Variants in MYO3B observed in about 807,000 individuals in gnomAD.
MYO3B encodes the protein myosin IIIB.
Under a neutral mutation model 174.6 loss-of-function variants are expected in MYO3B, and 156 were observed. That is an observed-to-expected ratio of 0.89 (90% confidence interval 0.78 to 1.02). MYO3B has a LOEUF of 1.02. Ranked by LOEUF, MYO3B falls within the 50% of genes least tolerant of loss-of-function variation. MYO3B has a pLI of 0.00. For synonymous variants in MYO3B, 563 were observed against 569.1 expected, an observed-to-expected ratio of 0.99 and a Z score of 0.15; for missense variants, 1,632 against 1,639.4, an observed-to-expected ratio of 1.00 and a Z score of 0.08.
chr2:170,232,663 C>G (rs1236272756), intron 6 of MYO3B, among the ~76,000 whole-genome samples: 1 of 152,230 alleles, frequency 6.6e-6, no homozygotes, highest in Non-Finnish European at 1.5e-5. Flanking sequence ...GCTGTTTAAC[C>G]ATGCTATCCT....
intron 7 of MYO3B, among the ~76,000 whole-genome samples, chr2:170,271,245 G>A (rs2093423171): frequency 6.6e-6 from 1 of 152,176 alleles, no homozygotes; most frequent in African/African-American, 2.4e-5. Context: ...TGAACATTTA[G>A]CCTTTAACTG....
chr2:170,640,996 A>C (rs146102513), intron 32 of MYO3B: 9 of 152,340 alleles, frequency 5.9e-5, no homozygotes, highest in Admixed American at 1.3e-4. Flanking sequence ...AGTTTGAGAA[A>C]TATTCCCCTA....
intron 6 of MYO3B, among the ~76,000 whole-genome samples, chr2:170,225,983 G>A (rs2092947923): frequency 6.6e-6 from 1 of 152,132 alleles, no homozygotes; most frequent in South Asian, 2.1e-4. Flanking sequence ...GCCTTTTAAG[G>A]TCCTGTCTAT....
chr2:170,653,094 A>T lies in MYO3B; in HGVS notation c.3999A>T (p.Ser1333=). ...ACCCTTCCTTTTTTTCTTCATCCTC[A>T]AAAGGAGACTCTTTTGCTCAACATT... ...SAHPSFFSSS[S]KGDSFAQH The change falls in exon 35 of 35, where the codon TCA becomes TCT. Residue 1333 remains serine (S), a synonymous_variant. Transcript: ENST00000408978. 1.2e-6 allele frequency: 2 copies of T among 1,614,138 alleles called. No homozygotes were observed. The highest frequency in any genetic ancestry group is 1.7e-6 in the Non-Finnish European group (2 of 1,180,030).
At chr2:170,361,028 A>G (rs1454366673) in intron 8 of MYO3B, among the ~76,000 whole-genome samples, 2 of 152,234 alleles carry the variant, frequency 1.3e-5, no homozygotes, top group African/African-American at 4.8e-5. Flanking sequence ...CTAATTATCA[A>G]TAGGTGTACC....
intron 22 of MYO3B, among the ~76,000 whole-genome samples, chr2:170,441,580 T>TA: frequency 6.6e-6 from 1 of 152,326 alleles, no homozygotes; most frequent in East Asian, 1.9e-4. Flanking sequence ...TGCCCATTTT[T>TA]ATGGTTATTT....
In MYO3B at chr2:170,181,202, A is replaced by G. The variant is rs61200258; in HGVS notation, c.2+2913A>G. Reference sequence around the variant, plus strand: ...AAAGATTCTTTTTTTCTTTTTGCATATTGCTCTACAATTGTTTTAGCACTG... The same window carrying G: ...AAAGATTCTTTTTTTCTTTTTGCATGTTGCTCTACAATTGTTTTAGCACTG... On this transcript the variant is annotated intron_variant, in intron 1 of 34. Coordinates refer to ENST00000408978, the MANE Select transcript of MYO3B (RefSeq NM_138995.5). Among the ~76,000 whole-genome samples the G allele has an allele frequency of 2.5e-3, 380 of 152,128 alleles. 3 individuals carry two copies. Among genetic ancestry groups the G allele is most frequent in the African/African-American group, 8.6e-3 (357 of 41,548 alleles).
intron 17 of MYO3B, among the ~76,000 whole-genome samples, chr2:170,400,571 A>G (rs574756921): frequency 6.6e-6 from 1 of 151,222 alleles, no homozygotes; most frequent in Admixed American, 6.6e-5. Context: ...CGCCTGGCTA[A>G]TTTTTGTATT....
chr2:170,393,086 T>A (rs2094423596), intron 16 of MYO3B, among the ~76,000 whole-genome samples: 1 of 33,480 alleles, frequency 3.0e-5, no homozygotes, highest in East Asian at 1.7e-3. Context: ...CTGTACTACT[T>A]TTTTTTTTTT....
chr2:170,354,170 C>T (rs1419307445), intron 8 of MYO3B, among the ~76,000 whole-genome samples: 1 of 152,206 alleles, frequency 6.6e-6, no homozygotes, highest in East Asian at 1.9e-4. Flanking sequence ...CTAGGCATTG[C>T]CTGTTGAATT....
chr2:170,301,260 C>A (rs1440414547), intron 7 of MYO3B, among the ~76,000 whole-genome samples: 1 of 152,166 alleles, frequency 6.6e-6, no homozygotes, highest in African/African-American at 2.4e-5. Flanking sequence ...TTAAAAGTAT[C>A]CTAGTTGACT....
chr2:170,569,739 G>A (rs932690921), intron 32 of MYO3B, among the ~76,000 whole-genome samples: 2 of 151,558 alleles, frequency 1.3e-5, no homozygotes, highest in Admixed American at 6.6e-5. Context: ...GCACATGCCT[G>A]TAATCCCAGC....
At chr2:170,202,715 T>C (rs10210612) in intron 3 of MYO3B, among the ~76,000 whole-genome samples, 95,009 of 152,084 alleles carry the variant, frequency 0.62, 31,136 homozygotes, top group African/African-American at 0.85. Context: ...ATGACAATGA[T>C]GGTCCACATA....
chr2:170,547,186 C>T (rs746665382), intron 32 of MYO3B, among the ~76,000 whole-genome samples: 26 of 148,244 alleles, frequency 1.8e-4, no homozygotes, highest in Non-Finnish European at 3.3e-4. Flanking sequence ...AAAAAATAGC[C>T]GGGCATGGTG....
At chr2:170,267,447 G>A (rs1038039381) in intron 7 of MYO3B, among the ~76,000 whole-genome samples, 3 of 152,228 alleles carry the variant, frequency 2.0e-5, no homozygotes, top group Non-Finnish European at 4.4e-5. Flanking sequence ...TGGTTTGGCA[G>A]ACTAGTTGGT....
At chr2:170,478,328 C>A (rs975904257) in intron 25 of MYO3B, among the ~76,000 whole-genome samples, 2 of 151,894 alleles carry the variant, frequency 1.3e-5, no homozygotes, top group Non-Finnish European at 2.9e-5. Flanking sequence ...TAATTGAATG[C>A]GGGAGTGATT....
At chr2:170,183,353 A>AT (rs2092426870) in intron 1 of MYO3B, among the ~76,000 whole-genome samples, 1 of 152,038 alleles carries the variant, frequency 6.6e-6, no homozygotes, top group South Asian at 2.1e-4. Context: ...ATGGTTTTGC[A>AT]TTTTTTTGGT....
At chr2:170,632,037 G>C (rs568707915) in intron 32 of MYO3B, among the ~76,000 whole-genome samples, 86 of 151,168 alleles carry the variant, frequency 5.7e-4, no homozygotes, top group African/African-American at 2.1e-3. Flanking sequence ...CAATAATAGT[G>C]GGAGACTTTA....
intron 32 of MYO3B, among the ~76,000 whole-genome samples, chr2:170,631,039 A>G (rs1230220824): frequency 6.6e-6 from 1 of 152,228 alleles, no homozygotes; most frequent in Non-Finnish European, 1.5e-5. Context: ...AACAGAACAA[A>G]GCTGGACGGA....
Sources: allele counts gnomAD v4.1 joint callset (sites outside exome capture counted in the v4.1 genomes callset), GRCh38; gene constraint gnomAD v4.1.1; transcripts MANE v1.5; gene names NCBI Gene and HGNC (gene_info 2026-07-23, HGNC 2026-07-21).